Variants in SLC24A2 observed in about 807,000 individuals in gnomAD.
The protein encoded by SLC24A2 is solute carrier family 24 member 2.
Under a neutral mutation model 62.0 loss-of-function variants are expected in SLC24A2, and 36 were observed. That is an observed-to-expected ratio of 0.58 (90% confidence interval 0.44 to 0.77). SLC24A2 has a LOEUF of 0.77. Ranked by LOEUF, SLC24A2 falls within the 30% of genes least tolerant of loss-of-function variation. The pLI is 0.00. For synonymous variants in SLC24A2, 358 were observed against 294.0 expected (o/e 1.22, Z -2.23); for missense variants, 846 against 817.9 (o/e 1.03, Z -0.42).
chr9:19,875,282 A>G, the SLC24A2 span, among the ~76,000 whole-genome samples: 7 of 152,208 alleles, frequency 4.6e-5, no homozygotes, highest in African/African-American at 7.2e-5. Flanking sequence ...CTTAGTAGAT[A>G]ACATTTTAAT....
At chr9:19,708,998 C>T (rs1055444181) in intron 2 of SLC24A2, among the ~76,000 whole-genome samples, 2 of 151,996 alleles carry the variant, frequency 1.3e-5, no homozygotes, top group African/African-American at 4.8e-5. Flanking sequence ...ATTTTCGCAA[C>T]CTACTCATCT....
the SLC24A2 span, among the ~76,000 whole-genome samples, chr9:19,931,737 A>G: frequency 6.6e-6 from 1 of 152,206 alleles, no homozygotes; most frequent in Non-Finnish European, 1.5e-5. Context: ...TTCCAGGCCA[A>G]ACAAGACAGC....
At chr9:20,229,268 A>G in the SLC24A2 span, among the ~76,000 whole-genome samples, 2 of 152,154 alleles carry the variant, frequency 1.3e-5, no homozygotes, top group African/African-American at 4.8e-5. Context: ...GTTACTTAAT[A>G]ACAGTGTGAC....
At chr9:20,005,560 C>T in the SLC24A2 span, among the ~76,000 whole-genome samples, 1 of 151,820 alleles carries the variant, frequency 6.6e-6, no homozygotes, top group African/African-American at 2.4e-5. Context: ...ACTCAAGTTT[C>T]TGAGACTCTA....
chr9:20,089,072 G>A, the SLC24A2 span, among the ~76,000 whole-genome samples: 1 of 152,158 alleles, frequency 6.6e-6, no homozygotes, highest in Admixed American at 6.5e-5. Flanking sequence ...GGGCTATTGA[G>A]CTAGTAGCAG....
intron 4 of SLC24A2, among the ~76,000 whole-genome samples, chr9:19,614,483 T>C (rs1170376015): frequency 6.6e-6 from 1 of 152,176 alleles, no homozygotes; most frequent in African/African-American, 2.4e-5. Flanking sequence ...CAATAAACAA[T>C]GTATGTCACT....
chr9:20,028,267 A>T, the SLC24A2 span, among the ~76,000 whole-genome samples: 2 of 152,038 alleles, frequency 1.3e-5, no homozygotes, highest in Non-Finnish European at 2.9e-5. Context: ...ACACAAGGGG[A>T]TTTTACCAGC....
the SLC24A2 span, among the ~76,000 whole-genome samples, chr9:20,095,693 A>G: frequency 1.3e-5 from 2 of 151,924 alleles, no homozygotes; most frequent in African/African-American, 4.8e-5. Flanking sequence ...TTATGTATCT[A>G]TCTATGGTAT....
At chr9:19,988,878 A>G in the SLC24A2 span, among the ~76,000 whole-genome samples, 2 of 152,148 alleles carry the variant, frequency 1.3e-5, no homozygotes, top group Non-Finnish European at 2.9e-5. Flanking sequence ...TAAAACATAA[A>G]CATTTTGGTT....
At chr9:19,959,319 A>G in the SLC24A2 span, among the ~76,000 whole-genome samples, 4 of 152,246 alleles carry the variant, frequency 2.6e-5, no homozygotes, top group Non-Finnish European at 1.5e-5. Context: ...ATCAGATTCA[A>G]TCAATCAGAT....
At chr9:19,949,084 CCT>C in the SLC24A2 span, among the ~76,000 whole-genome samples, 1 of 151,850 alleles carries the variant, frequency 6.6e-6, no homozygotes, top group Non-Finnish European at 1.5e-5. Flanking sequence ...ACCTCTGCCC[CCT>C]GAGTTCAAGT....
chr9:20,202,449 A>C, the SLC24A2 span, among the ~76,000 whole-genome samples: 6 of 152,276 alleles, frequency 3.9e-5, no homozygotes, highest in African/African-American at 1.4e-4. Context: ...TTTGTGTTGA[A>C]GTCTGGTTAA....
At chr9:20,023,495 T>C in the SLC24A2 span, among the ~76,000 whole-genome samples, 12 of 152,326 alleles carry the variant, frequency 7.9e-5, no homozygotes, top group African/African-American at 2.9e-4. Context: ...CACTCATTGG[T>C]GACCTCAGAT....
the SLC24A2 span, among the ~76,000 whole-genome samples, chr9:19,950,555 G>A: frequency 6.6e-6 from 1 of 152,300 alleles, no homozygotes; most frequent in East Asian, 1.9e-4. Flanking sequence ...ACGTATCTTG[G>A]CACTTTCAGG....
At chr9:19,937,815 G>A in the SLC24A2 span, among the ~76,000 whole-genome samples, 3 of 152,202 alleles carry the variant, frequency 2.0e-5, no homozygotes, top group Non-Finnish European at 4.4e-5. Context: ...TCTTCAGGAT[G>A]TATATGGTTG....
the SLC24A2 span, among the ~76,000 whole-genome samples, chr9:19,841,658 C>CAA: frequency 5.9e-5 from 9 of 152,184 alleles, no homozygotes; most frequent in Non-Finnish European, 1.2e-4. Context: ...GAAGCTTTGT[C>CAA]AAGTGAGGAC....
chr9:19,661,285 T>C (rs1489531665), intron 2 of SLC24A2, among the ~76,000 whole-genome samples: 1 of 152,172 alleles, frequency 6.6e-6, no homozygotes, highest in African/African-American at 2.4e-5. Context: ...TTTTGCATAT[T>C]TGTTATTTAA....
rs1836788765 is a variant in SLC24A2 at position 19,599,490 on chromosome 9, A to G, written c.1079-2211T>C. Among the ~76,000 whole-genome samples the G allele has an allele frequency of 6.6e-6, 1 of 152,168 alleles. No individual in the cohort carries two copies. The highest frequency in any genetic ancestry group is 2.1e-4 in the South Asian group (1 of 4,824). On this transcript the variant is annotated intron_variant, in intron 4 of 10. Coordinates refer to ENST00000341998, the MANE Select transcript of SLC24A2 (RefSeq NM_020344.4). The surrounding 1 kb of genome is among the most constrained non-coding windows in gnomAD (Gnocchi z 4.5). ...GAATGGTATCTGCCCAAACAAAGAG[A>G]ACCATGTTTACAGTTTACTGAAGAA...
At chr9:19,912,864 C>G in the SLC24A2 span, among the ~76,000 whole-genome samples, 7 of 152,036 alleles carry the variant, frequency 4.6e-5, no homozygotes, top group Non-Finnish European at 1.0e-4. Flanking sequence ...ATGTCAAATG[C>G]CTGGTTGACA....
Sources: gnomAD v4.1 joint callset for allele counts (sites outside exome capture counted in the v4.1 genomes callset) on GRCh38, gnomAD v4.1.1 for gene constraint, Gnocchi (gnomAD v3.1) non-coding constraint, MANE v1.5 for transcripts, NCBI Gene and HGNC (gene_info 2026-07-23, HGNC 2026-07-21) for gene names.